Variants in NPHP3 observed in about 807,000 individuals in gnomAD.
NPHP3 encodes nephrocystin-3.
In NPHP3, 123 loss-of-function variants were observed where a neutral mutation model predicts 171.9. The ratio of observed to expected loss-of-function variants is 0.72; its 90% CI spans 0.62 to 0.83. The LOEUF (loss-of-function observed/expected upper bound fraction) is 0.83, where lower values mean the gene tolerates loss of function less well. Among genes scored for constraint, NPHP3 ranks in the 40% least tolerant of loss-of-function variants. The pLI, the probability that NPHP3 is intolerant of heterozygous loss-of-function variation, is 0.00. For synonymous variants in NPHP3, 558 were observed against 579.2 expected, an observed-to-expected ratio of 0.96 and a Z score of 0.52; for missense variants, 1,506 against 1,591.9, an observed-to-expected ratio of 0.95 and a Z score of 0.92.
chr3:132,703,831 T>G (rs563985196), intron 9 of NPHP3, among the ~76,000 whole-genome samples: 2 of 152,334 alleles, frequency 1.3e-5, no homozygotes, highest in East Asian at 3.9e-4. Context: ...TCTGCTTGTC[T>G]CAGCCTCCCA....
chr3:132,704,789 T>C (rs1261992368), intron 8 of NPHP3, among the ~76,000 whole-genome samples: 2 of 152,240 alleles, frequency 1.3e-5, no homozygotes, highest in Admixed American at 6.5e-5. Flanking sequence ...TCAGTTTTTA[T>C]ATTAGGTTAC....
chr3:132,692,728 A>G lies in NPHP3; in HGVS notation c.2401T>C (p.Ser801Pro), dbSNP rs774886862. ...ATTTTGTATAAACTGTGAATAAGGGAGGTCAAGAAAGTCCAGGACATCTCA... is the reference window on the plus strand; with the variant it reads ...ATTTTGTATAAACTGTGAATAAGGGGGGTCAAGAAAGTCCAGGACATCTCA... Reference protein sequence around the residue: ...YPEMSWTFLTSLIHSLYKMCL... With the variant: ...YPEMSWTFLTPLIHSLYKMCL... The change falls in exon 17 of 27, where the codon TCC (serine) becomes CCC (proline). Residue 801 changes from serine to proline, a missense_variant. Around this residue, in one of 3 missense-constraint regions of NPHP3, gnomAD observed 569 missense variants for 648.1 expected, o/e 0.88. Coordinates refer to ENST00000337331, the MANE Select transcript of NPHP3 (RefSeq NM_153240.5). 4 of 1,613,838 alleles carry G rather than the reference A, an allele frequency of 2.5e-6. No homozygotes were observed. In the African/African-American group the frequency reaches 5.3e-5, roughly 22 times the overall value.
chr3:132,684,826 ATC>A, intron 23 of NPHP3, 32 bp from the exon 24 acceptor site: 1 of 1,608,592 alleles, frequency 6.2e-7, no homozygotes, highest in South Asian at 1.1e-5. Flanking sequence ...GGCTTAAACT[ATC>A]TATTTTCTAG....
At chr3:132,685,451 T>C (rs1939130727) in intron 23 of NPHP3, 1 of 152,234 alleles carries the variant, frequency 6.6e-6, no homozygotes, top group South Asian at 2.1e-4. Flanking sequence ...AATAAATCAT[T>C]ATTTTTTATA....
chr3:132,710,128 C>A (rs1939868933), intron 6 of NPHP3, among the ~76,000 whole-genome samples: 1 of 152,102 alleles, frequency 6.6e-6, no homozygotes. Context: ...GTATAACAGG[C>A]CAGCTAATAT....
At position 132,682,726 on chromosome 3, in the gene NPHP3, T is replaced by C; in HGVS notation, c.3789A>G (p.Thr1263=). 1.9e-6 allele frequency: 3 copies of C among 1,611,492 alleles called. No homozygotes were observed. Among genetic ancestry groups the C allele is most frequent in the Non-Finnish European group, 2.5e-6 (3 of 1,177,656 alleles). Residue 1263 remains threonine (T), a synonymous_variant, in exon 26 of 27, where the codon ACA becomes ACG. Coordinates refer to ENST00000337331, the MANE Select transcript of NPHP3 (RefSeq NM_153240.5). ...LGRMHPRVGE[T]LKNLAVLSYE... ...ACCTAAGCACAGCTAAATTTTTCAGTGTTTCTCCAACTCGAGGATGCATCC... is the reference window on the plus strand; with the variant it reads ...ACCTAAGCACAGCTAAATTTTTCAGCGTTTCTCCAACTCGAGGATGCATCC...
At chr3:132,697,938 G>A (rs1283258127) in intron 13 of NPHP3, among the ~76,000 whole-genome samples, 2 of 151,578 alleles carry the variant, frequency 1.3e-5, no homozygotes, top group South Asian at 2.1e-4. Flanking sequence ...CCTTATAGGA[G>A]CAAAAACAGG....
chr3:132,708,271 C>A lies in NPHP3; in HGVS notation c.1119-14G>T, dbSNP rs1266272542. The A allele has an allele frequency of 3.7e-6, 6 of 1,612,626 alleles. No individual in the cohort carries two copies. The highest frequency in any genetic ancestry group is 5.1e-6 in the Non-Finnish European group (6 of 1,179,526). On this transcript the variant is annotated splice_polypyrimidine_tract_variant and intron_variant, in intron 6 of 26. Coordinates refer to ENST00000337331, the MANE Select transcript of NPHP3 (RefSeq NM_153240.5). Reference sequence around the variant, plus strand: ...TCCAATAAAAGGCTAGATTGGAAATCAGCATTTTGTGTGCTATACTGCATT... The same window carrying A: ...TCCAATAAAAGGCTAGATTGGAAATAAGCATTTTGTGTGCTATACTGCATT...
chr3:132,691,651 A>G (rs562210376), intron 17 of NPHP3, among the ~76,000 whole-genome samples: 1 of 152,342 alleles, frequency 6.6e-6, no homozygotes, highest in Admixed American at 6.5e-5. Flanking sequence ...AATATGATAC[A>G]GCATACTCAA....
At chr3:132,718,823 AAG>A (rs1419632332) in intron 3 of NPHP3, among the ~76,000 whole-genome samples, 169 bp downstream of exon 3, 1 of 152,236 alleles carries the variant, frequency 6.6e-6, no homozygotes, top group Non-Finnish European at 1.5e-5. Flanking sequence ...CTTCGTGGAG[AAG>A]AGGTGTCTTA....
chr3:132,715,539 T>C (rs1252757730), intron 4 of NPHP3, among the ~76,000 whole-genome samples: 1 of 152,248 alleles, frequency 6.6e-6, no homozygotes, highest in Non-Finnish European at 1.5e-5. Flanking sequence ...AGAGGATTTA[T>C]AGCTTTACTT....
intron 16 of NPHP3, 109 bp from the exon 17 acceptor site, chr3:132,692,927 A>G: frequency 3.6e-6 from 3 of 836,932 alleles, no homozygotes; most frequent in Non-Finnish European, 5.9e-6. Context: ...ACCAAAACTT[A>G]TAATTCAAAT....
intron 18 of NPHP3, 102 bp downstream of exon 18, chr3:132,691,090 T>A (rs1939287538): frequency 1.1e-6 from 1 of 892,194 alleles, no homozygotes; most frequent in Admixed American, 1.7e-5. Flanking sequence ...TTGTAATAAT[T>A]AAGTTTTTGT....
chr3:132,684,928 C>G, intron 23 of NPHP3, 134 bp from the exon 24 acceptor site: 1 of 1,121,946 alleles, frequency 8.9e-7, no homozygotes, highest in Non-Finnish European at 1.3e-6. Context: ...AGCTCAAAAT[C>G]TTACTTTCCC....
intron 7 of NPHP3, 49 bp downstream of exon 7, chr3:132,708,052 G>A: frequency 1.9e-6 from 3 of 1,591,760 alleles, no homozygotes; most frequent in Non-Finnish European, 2.6e-6. Flanking sequence ...CTTTGCTCCA[G>A]TTTTTCCCTC....
rs747099824 is a variant in NPHP3 at position 132,682,750 on chromosome 3, C to A, written c.3765G>T (p.Arg1255=). ...ALKIYEDSLG[R]MHPRVGETLK... ...GTGTTTCTCCAACTCGAGGATGCAT[C>A]CGACCCAGGCTATCTTCATAAATCT... The change falls in exon 26 of 27, where the codon CGG becomes CGT. Residue 1255 remains arginine (R), a synonymous_variant. Coordinates refer to ENST00000337331, the MANE Select transcript of NPHP3 (RefSeq NM_153240.5). 6.2e-7 allele frequency: 1 copy of A among 1,613,752 alleles called. No individual in the cohort carries two copies. The highest frequency in any genetic ancestry group is 8.5e-7 in the Non-Finnish European group (1 of 1,179,694).
At chr3:132,717,904 C>A (rs929094848) in intron 3 of NPHP3, 9 of 288,000 alleles carry the variant, frequency 3.1e-5, no homozygotes, top group African/African-American at 2.1e-4. Flanking sequence ...ACTACAGGCA[C>A]GCACCACCAT....
At chr3:132,718,874 G>A in intron 3 of NPHP3, 120 bp downstream of exon 3, 1 of 955,716 alleles carries the variant, frequency 1.0e-6, no homozygotes, top group Non-Finnish European at 1.7e-6. Flanking sequence ...ATTTGCAACA[G>A]TAGTTAAAGC....
chr3:132,696,726 C>T lies in NPHP3; in HGVS notation c.2171+5G>A. The T allele has an allele frequency of 6.2e-7, 1 of 1,613,260 alleles. No individual in the cohort carries two copies. Among genetic ancestry groups the T allele is most frequent in the African/African-American group, 1.3e-5 (1 of 75,038 alleles). Reference sequence around the variant, plus strand: ...AGAAGATCATGTAAAATAATCACCACTCACCGCGCGATCATTTTGCCGAAA... The same window carrying T: ...AGAAGATCATGTAAAATAATCACCATTCACCGCGCGATCATTTTGCCGAAA... On this transcript the variant is annotated splice_donor_5th_base_variant and intron_variant, in intron 15 of 26. Transcript: ENST00000337331.
Sources: gnomAD v4.1 joint callset for allele counts (sites outside exome capture counted in the v4.1 genomes callset) on GRCh38, gnomAD v4.1.1 for gene constraint, gnomAD v4.1.1 regional missense constraint, MANE v1.5 for transcripts, NCBI Gene and HGNC (gene_info 2026-07-23, HGNC 2026-07-21) for gene names.